Variants in MCOLN3 observed in about 807,000 individuals in gnomAD.
MCOLN3 encodes the protein mucolipin-3.
In MCOLN3, 62 loss-of-function variants were observed where a neutral mutation model predicts 69.4. The ratio of observed to expected loss-of-function variants is 0.89; its 90% confidence interval spans 0.73 to 1.10. The LOEUF (loss-of-function observed/expected upper bound fraction) is 1.10. Among genes scored for constraint, MCOLN3 ranks in the 50% least tolerant of loss-of-function variants. The pLI, the probability that MCOLN3 is intolerant of heterozygous loss-of-function variation, is 0.00. For missense variants in MCOLN3, 564 were observed against 656.4 expected (o/e 0.86, Z 1.54); for synonymous variants, 183 against 217.0 (o/e 0.84, Z 1.38).
intron 9 of MCOLN3, among the ~76,000 whole-genome samples, chr1:85,023,872 A>G (rs191351630): frequency 3.3e-5 from 5 of 152,336 alleles, no homozygotes; most frequent in Admixed American, 2.0e-4. Flanking sequence ...GTGATAGTCC[A>G]TTGAAAGCAT....
chr1:85,033,104 C>T, intron 4 of MCOLN3, 148 bp from the exon 5 acceptor site: 1 of 737,104 alleles, frequency 1.4e-6, no homozygotes, highest in Admixed American at 2.6e-5. Flanking sequence ...GCTAAATAAA[C>T]ATTGATACCA....
chr1:85,029,515 A>G (rs1435573071), intron 6 of MCOLN3: 1 of 199,070 alleles, frequency 5.0e-6, no homozygotes, highest in African/African-American at 2.3e-5. Context: ...ACCTCCAGAT[A>G]CCTTCTTCAT....
chr1:85,044,360 T>C (rs1653233231), intron 2 of MCOLN3, among the ~76,000 whole-genome samples: 1 of 152,192 alleles, frequency 6.6e-6, no homozygotes, highest in Non-Finnish European at 1.5e-5. Context: ...CTTAGGCATT[T>C]TTCACCAACT....
chr1:85,024,050 G>T (rs541547168), intron 9 of MCOLN3, among the ~76,000 whole-genome samples: 1 of 151,892 alleles, frequency 6.6e-6, no homozygotes, highest in African/African-American at 2.4e-5. Flanking sequence ...ATGAGATTTT[G>T]GGGGGCTGTG....
At chr1:85,047,385 A>T (rs1189909520) in intron 1 of MCOLN3, 2 of 152,224 alleles carry the variant, frequency 1.3e-5, no homozygotes, top group Admixed American at 1.3e-4. Context: ...ACTGTCGGGA[A>T]CCCCAGCAGC....
chr1:85,033,922 T>G (rs137903144), intron 4 of MCOLN3, among the ~76,000 whole-genome samples, 176 bp downstream of exon 4: 20 of 152,320 alleles, frequency 1.3e-4, no homozygotes, highest in African/African-American at 4.3e-4. Context: ...TCCTTGAGGA[T>G]TCTTGAGTTA....
At chr1:85,033,427 G>GT (rs1481998601) in intron 4 of MCOLN3, among the ~76,000 whole-genome samples, 2 of 152,018 alleles carry the variant, frequency 1.3e-5, no homozygotes, top group East Asian at 3.9e-4. Flanking sequence ...ATTTTAGAAA[G>GT]TTTTCCCTTT....
Position 85,026,004 on chromosome 1 carries a change from T to G in MCOLN3, c.1030A>C (p.Met344Leu), listed in dbSNP as rs550757294. 7 of 1,600,286 alleles carry G rather than the reference T, an allele frequency of 4.4e-6. No individual in the cohort carries two copies. The highest frequency in any genetic ancestry group is 4.0e-5 in the African/African-American group (3 of 74,494). The change falls in exon 9 of 13, where the codon ATG (methionine) becomes CTG (leucine). Residue 344 changes from methionine (M) to leucine (L), a missense_variant. Physicochemically the swap from Met to Leu is conservative, Grantham distance 15 (BLOSUM62 2). Transcript: ENST00000370589. ...QMEFVNGWYI[M>L]IIISDILTII... is the part of the protein sequence containing the mutation. ...GTCAATATGTCACTAATAATAATCA[T>G]AATGTACCATCCATTGACAAATTCC...
At chr1:85,042,242 TG>T (rs1303842960) in intron 2 of MCOLN3, among the ~76,000 whole-genome samples, 2 of 152,220 alleles carry the variant, frequency 1.3e-5, no homozygotes, top group Admixed American at 6.5e-5. Flanking sequence ...TAGCCAGTGT[TG>T]ATACAGTGAA....
At chr1:85,044,050 G>A (rs989318054) in intron 2 of MCOLN3, among the ~76,000 whole-genome samples, 2 of 152,050 alleles carry the variant, frequency 1.3e-5, no homozygotes, top group Non-Finnish European at 2.9e-5. Flanking sequence ...CACCCTGCCT[G>A]GCCAAGCCAT....
intron 2 of MCOLN3, among the ~76,000 whole-genome samples, chr1:85,043,865 G>A (rs11807839): frequency 1.3e-5 from 2 of 150,768 alleles, no homozygotes; most frequent in African/African-American, 2.4e-5. Context: ...TTGAGACAAG[G>A]TGTCGCTCTG....
intron 12 of MCOLN3, 91 bp from the exon 13 acceptor site, chr1:85,019,348 G>A (rs1651812108): frequency 7.7e-7 from 1 of 1,294,974 alleles, no homozygotes; most frequent in Non-Finnish European, 1.1e-6. Flanking sequence ...GGCAAGGGAG[G>A]GGGTTTTCTA....
Position 85,019,258 on chromosome 1 carries a change from C to T in MCOLN3, c.1528-1G>A, listed in dbSNP as rs777316028. The stretch of plus-strand genomic sequence containing the variant: ...CTGGGAAGCCATCTTGTTGGTATTG[C>T]TAAACAGAAGAATGTTAAAAAGCTT... On this transcript the variant is annotated splice_acceptor_variant, in intron 12 of 12. Coordinates refer to ENST00000370589, the MANE Select transcript of MCOLN3 (RefSeq NM_018298.11). LOFTEE classifies it high-confidence loss of function. 1.2e-6 allele frequency: 2 copies of T among 1,610,428 alleles called. No individual in the cohort carries two copies. Among genetic ancestry groups the T allele is most frequent in the Admixed American group, 3.4e-5 (2 of 59,242 alleles).
At chr1:85,027,647 A>C (rs1307539514) in intron 7 of MCOLN3, among the ~76,000 whole-genome samples, 3 of 152,180 alleles carry the variant, frequency 2.0e-5, no homozygotes, top group Non-Finnish European at 4.4e-5. Flanking sequence ...CTACTGCTCT[A>C]TATGAGGGAG....
At chr1:85,043,225 A>G (rs1207702506) in intron 2 of MCOLN3, among the ~76,000 whole-genome samples, 1 of 151,958 alleles carries the variant, frequency 6.6e-6, no homozygotes, top group African/African-American at 2.4e-5. Flanking sequence ...CTACCCTCCA[A>G]CTTGTTTTAA....
intron 4 of MCOLN3, among the ~76,000 whole-genome samples, chr1:85,033,733 C>G (rs1046055931): frequency 1.3e-5 from 2 of 152,132 alleles, no homozygotes; most frequent in Non-Finnish European, 2.9e-5. Context: ...TCTATTAATA[C>G]TTCACTGGCA....
chr1:85,035,771 C>T (rs1282568158), intron 3 of MCOLN3, among the ~76,000 whole-genome samples: 2 of 152,192 alleles, frequency 1.3e-5, no homozygotes, highest in African/African-American at 4.8e-5. Flanking sequence ...TCCCTCTCAC[C>T]TTAGTCTAGT....
At chr1:85,028,055 T>A (rs1451115138) in intron 7 of MCOLN3, among the ~76,000 whole-genome samples, 2 of 152,230 alleles carry the variant, frequency 1.3e-5, no homozygotes, top group African/African-American at 4.8e-5. Flanking sequence ...TTTGAGAGAA[T>A]GCCTAGGTGC....
intron 2 of MCOLN3, among the ~76,000 whole-genome samples, chr1:85,041,698 C>T (rs1441581614): frequency 6.6e-6 from 1 of 151,774 alleles, no homozygotes; most frequent in East Asian, 1.9e-4. Context: ...GGTGAAACCC[C>T]ATCTCTACTA....
Sources: gnomAD v4.1 joint callset for allele counts (sites outside exome capture counted in the v4.1 genomes callset) on GRCh38, gnomAD v4.1.1 for gene constraint, MANE v1.5 for transcripts, NCBI Gene and HGNC (gene_info 2026-07-23, HGNC 2026-07-21) for gene names.